The following PRKCE variants were observed in gnomAD, a reference collection of about 807,000 sequenced individuals.
The protein encoded by PRKCE is protein kinase C epsilon.
In PRKCE, 16 loss-of-function variants were observed where a neutral mutation model predicts 85.4. That is an observed-to-expected ratio of 0.19 (90% CI 0.13 to 0.28). The LOEUF is 0.28. Ranked by LOEUF, PRKCE falls within the 10% of genes least tolerant of loss-of-function variation. PRKCE has a pLI of 1.00. For synonymous variants in PRKCE, 388 were observed against 371.5 expected, an observed-to-expected ratio of 1.04 and a Z score of -0.51; for missense variants, 573 against 975.2, an observed-to-expected ratio of 0.59 and a Z score of 5.49.
At chr2:45,675,630 G>T (rs1676400495) in intron 1 of PRKCE, 1 of 152,238 alleles carries the variant, frequency 6.6e-6, no homozygotes, top group Admixed American at 6.5e-5. Flanking sequence ...TTTCCCTCCA[G>T]CCCTGCTCCT....
intron 1 of PRKCE, among the ~76,000 whole-genome samples, chr2:45,729,825 G>A (rs184199736): frequency 5.3e-5 from 8 of 152,300 alleles, no homozygotes; most frequent in South Asian, 2.1e-4. Flanking sequence ...GAACTAGTAC[G>A]TCCACCTTGC....
intron 2 of PRKCE, among the ~76,000 whole-genome samples, chr2:45,917,650 C>G (rs1326344549): frequency 6.6e-6 from 1 of 152,272 alleles, no homozygotes; most frequent in African/African-American, 2.4e-5. Context: ...AGCTGCCTGC[C>G]AGTCCCGTGC....
intron 10 of PRKCE, among the ~76,000 whole-genome samples, chr2:46,054,968 C>A (rs2105084469): frequency 6.6e-6 from 1 of 152,292 alleles, no homozygotes; most frequent in East Asian, 1.9e-4. Context: ...GATCACTTCC[C>A]ACTCCATCCC....
intron 11 of PRKCE, among the ~76,000 whole-genome samples, chr2:46,100,555 C>G (rs1216711997): frequency 6.6e-6 from 1 of 152,354 alleles, no homozygotes; most frequent in Middle Eastern, 3.4e-3. Flanking sequence ...ACAACACCCT[C>G]TCGGAAGTGG....
At chr2:46,101,940 G>A (rs1028409736) in intron 11 of PRKCE, among the ~76,000 whole-genome samples, 12 of 151,556 alleles carry the variant, frequency 7.9e-5, no homozygotes, top group Non-Finnish European at 1.6e-4. Flanking sequence ...ATTCTCCCTG[G>A]GGCCAGTTTC....
At chr2:45,719,276 T>C (rs530295007) in intron 1 of PRKCE, among the ~76,000 whole-genome samples, 31 of 152,364 alleles carry the variant, frequency 2.0e-4, no homozygotes, top group African/African-American at 7.5e-4. Context: ...TTTCATCAGA[T>C]TGACATCTAA....
intron 11 of PRKCE, among the ~76,000 whole-genome samples, chr2:46,086,926 C>T (rs1396359483): frequency 6.6e-6 from 1 of 152,108 alleles, no homozygotes; most frequent in Non-Finnish European, 1.5e-5. Context: ...CTGCCCACTC[C>T]CCTTCCAAGA....
rs779522096 is a variant in PRKCE at position 46,155,827 on chromosome 2, C to T, written c.1921-3779C>T. 7.9e-5 allele frequency among the ~76,000 whole-genome samples: 12 copies of T among 152,236 alleles called. No homozygotes were observed. Among genetic ancestry groups the T allele is most frequent in the South Asian group, 4.1e-4 (2 of 4,822 alleles). On this transcript the variant is annotated intron_variant, in intron 13 of 14. Transcript: ENST00000306156. This position sits in a 1 kb window ranked among gnomAD's most constrained non-coding sequence, Gnocchi z 4.7. ...CCACTATCCCCATTGGAGCCACCAC[C>T]GCCTCTCCCTTGGTGAACTGCAGGA...
rs942985979 is a variant in PRKCE, at chr2:46,145,808, T to C, written c.1731+577T>C. 6.6e-6 allele frequency among the ~76,000 whole-genome samples: 1 copy of C among 151,882 alleles called. No homozygotes were observed. Among genetic ancestry groups the C allele is most frequent in the Non-Finnish European group, 1.5e-5 (1 of 67,996 alleles). On this transcript the variant is annotated intron_variant, in intron 12 of 14. Coordinates refer to ENST00000306156, the MANE Select transcript of PRKCE (RefSeq NM_005400.3). The surrounding 1 kb of genome is among the most constrained non-coding windows in gnomAD (Gnocchi z 4.6). ...AATTGAGCCCAGAAGGTTGAGGCTA[T>C]AGTGAGCCATAATTGCACCATTGCA...
intron 2 of PRKCE, among the ~76,000 whole-genome samples, chr2:45,946,732 C>T (rs970586293): frequency 6.6e-5 from 10 of 152,290 alleles, no homozygotes; most frequent in African/African-American, 2.2e-4. Flanking sequence ...TTAATAGCTC[C>T]CCTGCCTGCC....
In PRKCE at chr2:46,185,643, G is replaced by A. The variant is rs186430262; in HGVS notation, c.*762G>A. Reference sequence around the variant, plus strand: ...AGAGATGAGTTCCAGTCTGAATACAGGTAGATATTAAAGGGCTAATAAAAA... The same window carrying A: ...AGAGATGAGTTCCAGTCTGAATACAAGTAGATATTAAAGGGCTAATAAAAA... On this transcript the variant is annotated 3_prime_UTR_variant, in exon 15 of 15. Transcript: ENST00000306156. The surrounding 1 kb of genome is among the most constrained non-coding windows in gnomAD (Gnocchi z 4.7). 9 of 152,764 alleles carry A rather than the reference G, an allele frequency of 5.9e-5. No homozygotes were observed. The highest frequency in any genetic ancestry group is 1.3e-4 in the Non-Finnish European group (9 of 68,038). The allele number at this position is 152,764 out of a possible 1,614,324, so 9.5% of individuals were successfully genotyped here. A position where few individuals can be genotyped will look rare whatever the true frequency, so the allele number is the denominator to read the frequency against.
At chr2:46,109,755 G>A (rs765318243) in intron 11 of PRKCE, among the ~76,000 whole-genome samples, 2 of 152,018 alleles carry the variant, frequency 1.3e-5, no homozygotes, top group Non-Finnish European at 2.9e-5. Flanking sequence ...GGAATGGGGG[G>A]AGAGGACCTT....
At chr2:45,916,143 T>A (rs1018389265) in intron 2 of PRKCE, among the ~76,000 whole-genome samples, 2 of 151,944 alleles carry the variant, frequency 1.3e-5, no homozygotes, top group African/African-American at 4.8e-5. Flanking sequence ...GTCTTTTCTA[T>A]CTCTACTTAC....
chr2:45,874,929 C>T (rs977585850), intron 2 of PRKCE, among the ~76,000 whole-genome samples: 4 of 152,100 alleles, frequency 2.6e-5, no homozygotes, highest in African/African-American at 9.7e-5. Context: ...ATTTGGCCTA[C>T]ATTCCAATTA....
chr2:45,663,454 T>C (rs957775939), intron 1 of PRKCE, among the ~76,000 whole-genome samples: 1 of 151,988 alleles, frequency 6.6e-6, no homozygotes, highest in African/African-American at 2.4e-5. Context: ...GAAAATGGGA[T>C]CTAAATAGAC....
chr2:46,178,040 A>G (rs756302693), intron 14 of PRKCE, among the ~76,000 whole-genome samples: 3 of 152,172 alleles, frequency 2.0e-5, no homozygotes, highest in Non-Finnish European at 2.9e-5. Flanking sequence ...CAGGTGGGTC[A>G]CCAGAGGTCA....
chr2:46,169,702 G>A (rs1678702912), intron 14 of PRKCE, among the ~76,000 whole-genome samples: 1 of 152,206 alleles, frequency 6.6e-6, no homozygotes, highest in Admixed American at 6.5e-5. Context: ...CCCTAGCGCA[G>A]CAGCTGACAT....
chr2:45,999,587 G>T (rs1255468252), intron 6 of PRKCE, among the ~76,000 whole-genome samples: 1 of 151,614 alleles, frequency 6.6e-6, no homozygotes, highest in Non-Finnish European at 1.5e-5. Context: ...TTTCTTTTTG[G>T]CATTTATCCT....
chr2:46,153,781 C>CTTTT (rs70937993), intron 13 of PRKCE, among the ~76,000 whole-genome samples: 24 of 75,954 alleles, frequency 3.2e-4, no homozygotes, highest in Non-Finnish European at 4.2e-4. Flanking sequence ...TCTTCTTCTT[C>CTTTT]TTTTTTTTTT....
Sources: allele counts gnomAD v4.1 joint callset (sites outside exome capture counted in the v4.1 genomes callset), GRCh38; gene constraint gnomAD v4.1.1; non-coding constraint Gnocchi (gnomAD v3.1); transcripts MANE v1.5; gene names NCBI Gene and HGNC (gene_info 2026-07-23, HGNC 2026-07-21).